Variants in EYS observed in about 807,000 individuals in gnomAD.
The protein encoded by EYS is EGF-like photoreceptor maintenance factor, also known as protein eyes shut homolog.
Under a neutral mutation model 282.1 loss-of-function variants are expected in EYS, and 250 were observed. The observed-to-expected ratio is 0.89, with a 90% CI of 0.80 to 0.98. The LOEUF is 0.98. Among genes scored for constraint, EYS ranks in the 50% least tolerant of loss-of-function variants. The pLI is 0.00. For missense variants in EYS, 4,016 were observed against 3,709.0 expected, an observed-to-expected ratio of 1.08 and a Z score of -2.15; for synonymous variants, 1,355 against 1,282.9, an observed-to-expected ratio of 1.06 and a Z score of -1.20.
chr6:64,265,052 T>C (rs1031428414), intron 30 of EYS, among the ~76,000 whole-genome samples: 1 of 150,748 alleles, frequency 6.6e-6, no homozygotes, highest in Non-Finnish European at 1.5e-5. Context: ...AACAAAATTA[T>C]CTATTTTTCT....
intron 31 of EYS, among the ~76,000 whole-genome samples, chr6:64,134,514 AAAT>A (rs1774095221): frequency 1.3e-5 from 2 of 152,130 alleles, no homozygotes; most frequent in South Asian, 4.1e-4. Context: ...CAAATGCAGG[AAAT>A]AATGTCAAAA....
intron 9 of EYS, among the ~76,000 whole-genome samples, chr6:65,345,726 G>C (rs1208565261): frequency 6.6e-6 from 1 of 151,074 alleles, no homozygotes; most frequent in African/African-American, 2.4e-5. Flanking sequence ...TCTTCCCTCT[G>C]CCTCCCAAGA....
At chr6:65,449,631 CAATT>C (rs1205748326) in intron 5 of EYS, among the ~76,000 whole-genome samples, 2 of 152,022 alleles carry the variant, frequency 1.3e-5, no homozygotes, top group Non-Finnish European at 2.9e-5. Context: ...CAAAATCAAA[CAATT>C]CATTCAAGTA....
At chr6:65,069,730 T>A (rs1253365434) in intron 12 of EYS, among the ~76,000 whole-genome samples, 1 of 152,106 alleles carries the variant, frequency 6.6e-6, no homozygotes, top group East Asian at 1.9e-4. Flanking sequence ...TTAATTTTTA[T>A]TTTTTAGATG....
chr6:63,956,767 C>T (rs181453452), intron 35 of EYS, among the ~76,000 whole-genome samples: 1 of 152,160 alleles, frequency 6.6e-6, no homozygotes, highest in African/African-American at 2.4e-5. Context: ...GTATTTCCCA[C>T]ACATACTGCC....
Position 64,081,894 on chromosome 6 carries a change from G to A in EYS, c.6533C>T (p.Thr2178Ile), listed in dbSNP as rs1325139698. 2.6e-6 allele frequency: 4 copies of A among 1,541,980 alleles called. No homozygotes were observed. In the East Asian group the frequency reaches 7.4e-5, roughly 28 times the overall value. The stretch of plus-strand genomic sequence containing the variant: ...TCCATTTAAACTGTTTGTTTTTATA[G>A]TCAAGTAGATGGTAACAGTTCTGTT... The part of the protein sequence containing the change: ...EHNRTVTIYL[T>I]IKTNSLNGTI... The change falls in exon 32 of 43, where the codon ACT becomes ATT. Residue 2178 changes from threonine (T) to isoleucine (I), a missense_variant. Physicochemically the swap from Thr to Ile is moderately conservative, Grantham distance 89. Coordinates refer to ENST00000503581, the MANE Select transcript of EYS (RefSeq NM_001142800.2).
At chr6:65,173,545 A>T (rs1336108754) in intron 12 of EYS, among the ~76,000 whole-genome samples, 1 of 151,174 alleles carries the variant, frequency 6.6e-6, no homozygotes, top group Non-Finnish European at 1.5e-5. Context: ...TTACATGAAA[A>T]CCTATTTTAA....
intron 13 of EYS, among the ~76,000 whole-genome samples, chr6:65,019,302 A>G (rs539118158): frequency 8.5e-5 from 13 of 152,184 alleles, no homozygotes; most frequent in African/African-American, 3.1e-4. Flanking sequence ...TATCTCTTAA[A>G]CCACTCTCAC....
At chr6:64,435,900 T>C (rs1226536882) in intron 28 of EYS, among the ~76,000 whole-genome samples, 1 of 151,982 alleles carries the variant, frequency 6.6e-6, no homozygotes, top group Admixed American at 6.6e-5. Flanking sequence ...GTTTAGTTGA[T>C]TTGTTACAAC....
chr6:63,735,827 TC>T (rs1562001366), intron 41 of EYS, among the ~76,000 whole-genome samples: 1 of 152,158 alleles, frequency 6.6e-6, no homozygotes, highest in African/African-American at 2.4e-5. Context: ...CTGGAACAGT[TC>T]CTCTTACTGT....
intron 11 of EYS, among the ~76,000 whole-genome samples, chr6:65,300,502 T>G (rs536093572): frequency 1.3e-5 from 2 of 152,318 alleles, no homozygotes; most frequent in African/African-American, 4.8e-5. Context: ...AACATGCATC[T>G]CTTCTTTGTA....
chr6:63,750,016 CCTGTCAGATCAAGTCTG>C (rs1454025997), intron 41 of EYS, among the ~76,000 whole-genome samples: 4 of 152,194 alleles, frequency 2.6e-5, no homozygotes, highest in Admixed American at 1.3e-4. Context: ...AATTCCTTCT[CCTGTCAGATCAAGTCTG>C]CTGTTAAACC....
chr6:65,123,160 G>A (rs2150197244), intron 12 of EYS, among the ~76,000 whole-genome samples: 1 of 152,128 alleles, frequency 6.6e-6, no homozygotes, highest in Middle Eastern at 3.4e-3. Flanking sequence ...TTCGACTGGG[G>A]AAAAAGTGAA....
At chr6:63,787,638 A>G (rs987801388) in intron 39 of EYS, among the ~76,000 whole-genome samples, 1 of 152,198 alleles carries the variant, frequency 6.6e-6, no homozygotes, top group Admixed American at 6.5e-5. Context: ...TCTAGTACAT[A>G]TGTAGTAAGT....
intron 22 of EYS, among the ~76,000 whole-genome samples, chr6:64,788,713 GCTT>G (rs1259643078): frequency 6.6e-6 from 1 of 152,068 alleles, no homozygotes; most frequent in African/African-American, 2.4e-5. Flanking sequence ...CAGTTTCATT[GCTT>G]CTTAATTTCT....
intron 12 of EYS, among the ~76,000 whole-genome samples, chr6:65,195,364 A>AT (rs1765739240): frequency 6.6e-6 from 1 of 151,914 alleles, no homozygotes; most frequent in South Asian, 2.1e-4. Flanking sequence ...ATCAGCCTGG[A>AT]TTTTTCATTC....
At chr6:65,079,651 C>T (rs1247369799) in intron 12 of EYS, among the ~76,000 whole-genome samples, 1 of 151,954 alleles carries the variant, frequency 6.6e-6, no homozygotes, top group African/African-American at 2.4e-5. Context: ...ATTAGAATTG[C>T]ATATGTGGCT....
chr6:65,663,684 TA>T (rs535167509), intron 1 of EYS, among the ~76,000 whole-genome samples: 8 of 151,920 alleles, frequency 5.3e-5, no homozygotes, highest in Non-Finnish European at 1.0e-4. Flanking sequence ...TTTATTTATT[TA>T]TTTATTTATT....
intron 5 of EYS, among the ~76,000 whole-genome samples, chr6:65,474,879 G>A (rs536393819): frequency 4.3e-4 from 65 of 152,134 alleles, no homozygotes; most frequent in Non-Finnish European, 7.4e-4. Flanking sequence ...GGAAGTGAAC[G>A]ACAGAGGAGG....
Sources: gnomAD v4.1 joint callset for allele counts (sites outside exome capture counted in the v4.1 genomes callset) on GRCh38, gnomAD v4.1.1 for gene constraint, MANE v1.5 for transcripts, NCBI Gene and HGNC (gene_info 2026-07-23, HGNC 2026-07-21) for gene names.